The following ACCSL variants were observed in gnomAD, a reference collection of about 807,000 sequenced individuals.
ACCSL encodes the protein probable inactive 1-aminocyclopropane-1-carboxylate synthase-like protein 2.
In ACCSL, 55 loss-of-function variants were observed where a neutral mutation model predicts 61.7. The ratio of observed to expected loss-of-function variants is 0.89; its 90% CI spans 0.72 to 1.12. The LOEUF (loss-of-function observed/expected upper bound fraction) is 1.12. Ranked by LOEUF, ACCSL falls within the 50% of genes most tolerant of loss-of-function variation. ACCSL has a pLI of 0.00. For synonymous variants in ACCSL, 258 were observed against 264.3 expected, an observed-to-expected ratio of 0.98 and a Z score of 0.23; for missense variants, 632 against 698.0, an observed-to-expected ratio of 0.91 and a Z score of 1.07.
chr11:44,016,444 A>T, the ACCSL span, among the ~76,000 whole-genome samples: 530 of 152,322 alleles, frequency 3.5e-3, 2 homozygotes, highest in African/African-American at 0.012. Flanking sequence ...ATGCTCAGCT[A>T]GACTACAACA....
chr11:43,972,009 C>A, the ACCSL span, among the ~76,000 whole-genome samples: 39 of 152,322 alleles, frequency 2.6e-4, no homozygotes, highest in African/African-American at 8.7e-4. Flanking sequence ...CCCTGATAGA[C>A]TCTGAGCTCT....
chr11:43,999,912 A>G, the ACCSL span, among the ~76,000 whole-genome samples: 1 of 152,170 alleles, frequency 6.6e-6, no homozygotes, highest in Non-Finnish European at 1.5e-5. Flanking sequence ...TAAAAAACCA[A>G]TACAGTATAA....
chr11:43,961,868 C>G, the ACCSL span, among the ~76,000 whole-genome samples: 2 of 152,180 alleles, frequency 1.3e-5, no homozygotes, highest in Non-Finnish European at 2.9e-5. Context: ...TGTAACTTTA[C>G]TTCATCCTCT....
At chr11:44,037,516 TGAG>T in the ACCSL span, among the ~76,000 whole-genome samples, 1 of 152,216 alleles carries the variant, frequency 6.6e-6, no homozygotes, top group Non-Finnish European at 1.5e-5. Flanking sequence ...CTGGCTGGCC[TGAG>T]TTTTCTGCAC....
chr11:44,056,150 A>G, intron 10 of ACCSL, 35 bp from the exon 11 acceptor site: 1 of 1,614,160 alleles, frequency 6.2e-7, no homozygotes, highest in Non-Finnish European at 8.5e-7. Context: ...AGGCAGACAA[A>G]ACACTTGTTC....
chr11:43,929,527 G>A, the ACCSL span, among the ~76,000 whole-genome samples: 1,976 of 152,158 alleles, frequency 0.013, 18 homozygotes, highest in Middle Eastern at 0.031. Flanking sequence ...CTCCCTCAGC[G>A]TCTTGAGTAG....
At chr11:43,973,051 A>G in the ACCSL span, among the ~76,000 whole-genome samples, 6 of 152,260 alleles carry the variant, frequency 3.9e-5, no homozygotes, top group African/African-American at 1.4e-4. Flanking sequence ...AGATTCTTGG[A>G]CCCTGCCTCA....
the ACCSL span, among the ~76,000 whole-genome samples, chr11:44,006,473 A>G: frequency 6.6e-6 from 1 of 150,622 alleles, no homozygotes; most frequent in East Asian, 2.0e-4. Flanking sequence ...TTAAGGGGGA[A>G]TAATGATGCT....
At chr11:43,944,560 C>T in the ACCSL span, 1 of 152,586 alleles carries the variant, frequency 6.6e-6, no homozygotes, top group African/African-American at 2.4e-5. Flanking sequence ...ACCTGGGTAC[C>T]ATCGAGTCCT....
At chr11:43,997,254 C>T in the ACCSL span, among the ~76,000 whole-genome samples, 1 of 151,916 alleles carries the variant, frequency 6.6e-6, no homozygotes, top group Non-Finnish European at 1.5e-5. Flanking sequence ...AACAGAGGGC[C>T]CCGTCTTGCT....
chr11:44,000,344 C>T, the ACCSL span, among the ~76,000 whole-genome samples: 1 of 151,954 alleles, frequency 6.6e-6, no homozygotes, highest in Non-Finnish European at 1.5e-5. Flanking sequence ...AGGCTGGTTT[C>T]GAACTCCTGA....
At chr11:43,931,198 C>T in the ACCSL span, among the ~76,000 whole-genome samples, 29 of 152,360 alleles carry the variant, frequency 1.9e-4, no homozygotes, top group East Asian at 3.5e-3. Flanking sequence ...CCCCCCACGC[C>T]CCTGTCTGAG....
chr11:44,012,226 C>G, the ACCSL span, among the ~76,000 whole-genome samples: 1 of 151,968 alleles, frequency 6.6e-6, no homozygotes, highest in South Asian at 2.1e-4. Context: ...AGACCTGATG[C>G]TGGCTAGGTA....
At chr11:44,034,588 G>C in the ACCSL span, among the ~76,000 whole-genome samples, 102 of 152,040 alleles carry the variant, frequency 6.7e-4, 1 homozygote, top group African/African-American at 2.0e-3. Context: ...CTTGTACAGG[G>C]AAATTCCCCT....
chr11:43,941,798 G>T, the ACCSL span, among the ~76,000 whole-genome samples: 21 of 152,336 alleles, frequency 1.4e-4, no homozygotes, highest in African/African-American at 3.8e-4. Flanking sequence ...CTGCTGTGAA[G>T]ATTAAACAGG....
chr11:43,979,393 A>G, the ACCSL span, among the ~76,000 whole-genome samples: 1 of 152,198 alleles, frequency 6.6e-6, no homozygotes, highest in Admixed American at 6.5e-5. Flanking sequence ...TTGATGAGCC[A>G]TAGTGGCATT....
the ACCSL span, among the ~76,000 whole-genome samples, chr11:43,993,395 G>A: frequency 6.6e-6 from 1 of 152,134 alleles, no homozygotes; most frequent in East Asian, 1.9e-4. Context: ...CTGGCAGGCT[G>A]TGGCTCCTCT....
chr11:43,933,040 T>C, the ACCSL span: 1 of 455,160 alleles, frequency 2.2e-6, no homozygotes, highest in Non-Finnish European at 4.4e-6. Context: ...CCTCTGACCC[T>C]CTTGCTTCTG....
the ACCSL span, among the ~76,000 whole-genome samples, chr11:43,946,693 A>G: frequency 2.0e-5 from 3 of 152,358 alleles, no homozygotes; most frequent in Admixed American, 2.0e-4. Flanking sequence ...TATTTAATTA[A>G]GTGAATGCCC....
Sources: gnomAD v4.1 joint callset for allele counts (sites outside exome capture counted in the v4.1 genomes callset) on GRCh38, gnomAD v4.1.1 for gene constraint, MANE v1.5 for transcripts, NCBI Gene and HGNC (gene_info 2026-07-23, HGNC 2026-07-21) for gene names.